The following ATG4B variants were observed in gnomAD, a reference collection of about 807,000 sequenced individuals.
ATG4B encodes cysteine protease ATG4B.
Under a neutral mutation model 56.6 loss-of-function variants are expected in ATG4B, and 29 were observed. That is an observed-to-expected ratio of 0.51 (90% CI 0.38 to 0.70). The LOEUF (loss-of-function observed/expected upper bound fraction) is 0.70. Ranked by LOEUF, ATG4B falls within the 30% of genes least tolerant of loss-of-function variation. The pLI, the probability that ATG4B is intolerant of heterozygous loss-of-function variation, is 0.00. For synonymous variants in ATG4B, 224 were observed against 206.1 expected, an observed-to-expected ratio of 1.09 and a Z score of -0.74; for missense variants, 461 against 515.5, an observed-to-expected ratio of 0.89 and a Z score of 1.02.
intron 1 of ATG4B, among the ~76,000 whole-genome samples, chr2:241,638,085 C>G (rs2067736478): frequency 6.6e-6 from 1 of 151,370 alleles, no homozygotes; most frequent in Non-Finnish European, 1.5e-5. Context: ...GCGAACGGGG[C>G]GGCCGCGGTC....
intron 1 of ATG4B, among the ~76,000 whole-genome samples, chr2:241,650,501 G>A (rs2125122258): frequency 6.6e-6 from 1 of 151,994 alleles, no homozygotes; most frequent in South Asian, 2.1e-4. Context: ...GTGACATCTG[G>A]TAAACCTTAG....
At chr2:241,670,207 C>A (rs1012757254) in intron 10 of ATG4B, among the ~76,000 whole-genome samples, 1 of 152,128 alleles carries the variant, frequency 6.6e-6, no homozygotes. Flanking sequence ...TCATTACAGG[C>A]GGCAGCTTTA....
intron 1 of ATG4B, among the ~76,000 whole-genome samples, chr2:241,638,055 G>C (rs2067735052): frequency 1.3e-5 from 2 of 151,736 alleles, no homozygotes; most frequent in Admixed American, 1.3e-4. Flanking sequence ...GGAGCCTGCC[G>C]GGCGGGGAGA....
chr2:241,656,295 G>A (rs112008994), intron 6 of ATG4B, among the ~76,000 whole-genome samples: 1,788 of 152,040 alleles, frequency 0.012, 41 homozygotes, highest in African/African-American at 0.041. Context: ...CACATCCCAC[G>A]TCACCCGCGT....
chr2:241,638,547 G>T (rs2125106926), intron 1 of ATG4B, among the ~76,000 whole-genome samples: 1 of 152,268 alleles, frequency 6.6e-6, no homozygotes, highest in South Asian at 2.1e-4. Context: ...GAACTGATTT[G>T]CCTTTTACCA....
rs148850998 is a variant in ATG4B, at chr2:241,653,252, C to T, written c.185-260C>T. ...GGGGTCAGTGTCTTCATATGTTTGT[C>T]AGACATTCCTTTTGCTCCGTGACTG... On this transcript the variant is annotated intron_variant, in intron 3 of 12. Transcript: ENST00000404914. The T allele has an allele frequency of 4.2e-4, 541 of 1,293,968 alleles. 2 individuals carry two copies. The African/African-American group carries it at 7.4e-3, about 18-fold the overall frequency. 80.2% of individuals were successfully genotyped at this position (1,293,968 alleles called of 1,614,324 possible).
At chr2:241,644,165 A>G (rs1487003151) in intron 1 of ATG4B, among the ~76,000 whole-genome samples, 1 of 151,584 alleles carries the variant, frequency 6.6e-6, no homozygotes, top group African/African-American at 2.4e-5. Flanking sequence ...TGCTTAACAT[A>G]GGGAAACCCC....
chr2:241,640,362 T>C (rs1169515744), intron 1 of ATG4B, among the ~76,000 whole-genome samples: 1 of 152,242 alleles, frequency 6.6e-6, no homozygotes, highest in Non-Finnish European at 1.5e-5. Context: ...GACTTGATGC[T>C]GTATTTCCTT....
At position 241,639,168 on chromosome 2, in the gene ATG4B, C is replaced by T. The variant is rs1359296652; in HGVS notation, c.10+1444C>T. ...CGGGTCCCGCCAGCTGTTTCAAGCGCAGGCACCAGAGTGGGCTCTGCAGAG... is the reference window on the plus strand; with the variant it reads ...CGGGTCCCGCCAGCTGTTTCAAGCGTAGGCACCAGAGTGGGCTCTGCAGAG... On this transcript the variant is annotated intron_variant, in intron 1 of 12. Coordinates refer to ENST00000404914, the MANE Select transcript of ATG4B (RefSeq NM_013325.5). Among the ~76,000 whole-genome samples, 6 of 152,326 alleles carry T rather than the reference C, an allele frequency of 3.9e-5. No homozygotes were observed. In the South Asian group the frequency reaches 8.3e-4, roughly 21 times the overall value.
At chr2:241,649,840 G>A (rs957060947) in intron 1 of ATG4B, among the ~76,000 whole-genome samples, 2 of 146,532 alleles carry the variant, frequency 1.4e-5, no homozygotes, top group African/African-American at 2.5e-5. Flanking sequence ...CTGGAGTGCA[G>A]TGGCACAATC....
intron 5 of ATG4B, chr2:241,655,042 A>C: frequency 1.7e-6 from 1 of 592,750 alleles, no homozygotes. Context: ...TATAGAAGGA[A>C]GTGGTCCCTT....
rs2067717687 is a variant in ATG4B at position 241,637,831 on chromosome 2, C to T, written c.10+107C>T. ...CGACTCGCCTCGGGGCACGCCGGTG[C>T]GGGCCAGGCTGGGCCGGGGCGGCGG... On this transcript the variant is annotated intron_variant, in intron 1 of 12. Transcript: ENST00000404914. The T allele has an allele frequency of 4.4e-6, 5 of 1,144,292 alleles. No homozygotes were observed. In the South Asian group the frequency reaches 5.5e-5, roughly 13 times the overall value. The allele number at this position is 1,144,292 out of a possible 1,614,324, so 70.9% of individuals were successfully genotyped here.
rs529371341 is a variant in ATG4B at position 241,642,220 on chromosome 2, C to T, written c.10+4496C>T. Among the ~76,000 whole-genome samples the T allele has an allele frequency of 1.0e-4, 15 of 146,960 alleles. No individual in the cohort carries two copies. The East Asian group carries it at 3.2e-3, about 31-fold the overall frequency. On this transcript the variant is annotated intron_variant, in intron 1 of 12. Transcript: ENST00000404914. ...TTGCTCTGTTTCCCAGGCTGGAGTG[C>T]GGTGGGCGCGATCTAGGGGAGTGGG...
intron 1 of ATG4B, among the ~76,000 whole-genome samples, chr2:241,648,679 C>T (rs977626167): frequency 1.3e-5 from 2 of 152,156 alleles, no homozygotes; most frequent in Admixed American, 6.5e-5. Context: ...GCTGCAGCCG[C>T]TCCACAACGC....
At chr2:241,672,161 G>T (rs2068998819) in intron 12 of ATG4B, 30 bp from the exon 13 acceptor site, 2 of 1,558,708 alleles carry the variant, frequency 1.3e-6, no homozygotes, top group African/African-American at 2.7e-5. Context: ...CACCCAAGAT[G>T]CCTGATGCGC....
At chr2:241,671,671 C>T (rs1161376460) in intron 12 of ATG4B, 1 of 1,406,462 alleles carries the variant, frequency 7.1e-7, no homozygotes, top group African/African-American at 1.4e-5. Context: ...CCATGGAGTC[C>T]TCAGGGGTCT....
chr2:241,671,594 GCCCAGGA>G lies in ATG4B; in HGVS notation c.1108+194_1108+200del, dbSNP rs777221765. The G allele has an allele frequency of 9.9e-6, 15 of 1,510,730 alleles. No homozygotes were observed. In the South Asian group the frequency reaches 1.7e-4, roughly 17 times the overall value. 93.6% of individuals were successfully genotyped at this position (1,510,730 alleles called of 1,614,324 possible). On this transcript the variant is annotated intron_variant, in intron 12 of 12. Coordinates refer to ENST00000404914, the MANE Select transcript of ATG4B (RefSeq NM_013325.5). ...CCCTCCTCCAAGCTTGCGCCCAGCA[GCCCAGGA>G]CCCACCTCGTCTTCCCCACCAGCGC... is the stretch of plus-strand genomic sequence containing the variant.
intron 10 of ATG4B, among the ~76,000 whole-genome samples, chr2:241,670,349 C>G (rs562988682): frequency 1.3e-5 from 2 of 151,996 alleles, no homozygotes; most frequent in Non-Finnish European, 2.9e-5. Context: ...AGCTGCTGGG[C>G]GAAGGCTGAG....
chr2:241,656,748 C>T (rs557622957), intron 6 of ATG4B, among the ~76,000 whole-genome samples: 2 of 152,070 alleles, frequency 1.3e-5, no homozygotes, highest in African/African-American at 2.4e-5. Flanking sequence ...AGCCAGAGCC[C>T]GTGCTGGCCC....
Sources: gnomAD v4.1 joint callset for allele counts (sites outside exome capture counted in the v4.1 genomes callset) on GRCh38, gnomAD v4.1.1 for gene constraint, MANE v1.5 for transcripts, NCBI Gene and HGNC (gene_info 2026-07-23, HGNC 2026-07-21) for gene names.